The following HIVEP1 variants were observed in gnomAD, a reference collection of about 807,000 sequenced individuals.
HIVEP1 encodes the protein zinc finger protein 40.
A neutral mutation model predicts 180.0 loss-of-function variants in HIVEP1; 36 were observed. The ratio of observed to expected loss-of-function variants is 0.20; its 90% CI spans 0.15 to 0.26. HIVEP1 has a LOEUF of 0.26. Ranked by LOEUF, HIVEP1 falls within the 10% of genes least tolerant of loss-of-function variation. The probability of loss-of-function intolerance (pLI) is 1.00; values close to 1 mark genes in which losing one functional copy is unlikely to be tolerated. For missense variants in HIVEP1, 3,143 were observed against 3,268.7 expected, an observed-to-expected ratio of 0.96 and a Z score of 0.94; for synonymous variants, 1,239 against 1,239.0, an observed-to-expected ratio of 1.00 and a Z score of 0.00.
At chr6:12,098,590 C>G (rs1160168851) in intron 3 of HIVEP1, among the ~76,000 whole-genome samples, 1 of 152,160 alleles carries the variant, frequency 6.6e-6, no homozygotes, top group Non-Finnish European at 1.5e-5. Flanking sequence ...AAGAGATAAG[C>G]TTGTATATAT....
chr6:12,023,445 T>G (rs184513669), intron 2 of HIVEP1, among the ~76,000 whole-genome samples: 2 of 152,308 alleles, frequency 1.3e-5, no homozygotes, highest in African/African-American at 4.8e-5. Context: ...ATCAAAAATC[T>G]TGTAGTGGAA....
At chr6:12,048,125 C>T (rs1340603996) in intron 2 of HIVEP1, among the ~76,000 whole-genome samples, 5 of 152,300 alleles carry the variant, frequency 3.3e-5, no homozygotes, top group East Asian at 1.9e-4. Flanking sequence ...TTCTGTTAAG[C>T]GGGCATCTCC....
At position 12,157,222 on chromosome 6, in the gene HIVEP1, C is replaced by G. The variant is rs1250917691; in HGVS notation, c.6488-4217C>G. ...TTATATCAATATTTAAAATGCGTTT[C>G]TTATATACAGTATATACATGGGACT... On this transcript the variant is annotated intron_variant, in intron 7 of 8. Transcript: ENST00000379388. Among the ~76,000 whole-genome samples the G allele has an allele frequency of 2.0e-5, 3 of 152,158 alleles. No individual in the cohort carries two copies. In the East Asian group the frequency reaches 5.8e-4, roughly 29 times the overall value.
chr6:12,011,537 CA>C (rs1185345337), upstream of HIVEP1, among the ~76,000 whole-genome samples: 1 of 150,814 alleles, frequency 6.6e-6, no homozygotes, highest in Non-Finnish European at 1.5e-5. Context: ...CGTCGCGACC[CA>C]GGGCTCCCGC....
rs1180653281 is a variant in HIVEP1 at position 12,135,836 on chromosome 6, G to T, written c.6431G>T (p.Cys2144Phe). 1 of 1,613,044 alleles carries T rather than the reference G, an allele frequency of 6.2e-7. No homozygotes were observed. Among genetic ancestry groups the T allele is most frequent in the Non-Finnish European group, 8.5e-7 (1 of 1,179,162 alleles). ...AAGTCCAAGGCACATAGCAAGAAAT[G>T]TGTGGATTTAGGCGTCTCAGTAGGT... ...HMKSKAHSKK[C>F]VDLGVSVGLI... is the part of the protein sequence containing the mutation. Residue 2144 changes from cysteine (C) to phenylalanine (F), a missense_variant, in exon 7 of 9, where the codon TGT (cysteine) becomes TTT (phenylalanine). Physicochemically the swap from Cys to Phe is radical, Grantham distance 205. Coordinates refer to ENST00000379388, the MANE Select transcript of HIVEP1 (RefSeq NM_002114.4).
Position 12,015,395 on chromosome 6 carries a change from CTT to C in HIVEP1, c.-103-128_-103-127del. The C allele has an allele frequency of 7.3e-6, 3 of 411,462 alleles. No homozygotes were observed. In the South Asian group the frequency reaches 1.8e-4, roughly 24 times the overall value. The allele number at this position is 411,462 out of a possible 1,614,324, so 25.5% of individuals were successfully genotyped here. Reference sequence around the variant, plus strand: ...CTCTGTTTAATTAAAAGTTAGTAATCTTTTGCAGTGGTGCCCAGCTTGGTTAC... The same window carrying C: ...CTCTGTTTAATTAAAAGTTAGTAATCTTGCAGTGGTGCCCAGCTTGGTTAC... On this transcript the variant is annotated intron_variant, in intron 1 of 8. Transcript: ENST00000379388.
upstream of HIVEP1, among the ~76,000 whole-genome samples, chr6:12,011,550 C>T (rs1242840142): frequency 6.6e-6 from 1 of 150,632 alleles, no homozygotes; most frequent in Non-Finnish European, 1.5e-5. Flanking sequence ...GGCTCCCGCC[C>T]CCCGCGTCCC....
chr6:12,195,970 G>C, the HIVEP1 span, among the ~76,000 whole-genome samples: 1 of 152,148 alleles, frequency 6.6e-6, no homozygotes, highest in Non-Finnish European at 1.5e-5. Context: ...ATAAACACAG[G>C]GTAAGGGGAG....
chr6:12,167,562 T>G (rs1246369567), downstream of HIVEP1, among the ~76,000 whole-genome samples: 1 of 81,750 alleles, frequency 1.2e-5, no homozygotes, highest in Admixed American at 1.5e-4. Context: ...ATGTATATAT[T>G]ACATGCATGT....
chr6:12,181,685 C>G, the HIVEP1 span, among the ~76,000 whole-genome samples: 1 of 152,138 alleles, frequency 6.6e-6, no homozygotes, highest in Non-Finnish European at 1.5e-5. Flanking sequence ...AACAGACACC[C>G]AAATGCTGAA....
At chr6:12,037,992 G>A (rs1275529840) in intron 2 of HIVEP1, 5 of 381,376 alleles carry the variant, frequency 1.3e-5, no homozygotes, top group Non-Finnish European at 2.3e-5. Context: ...TGAGATTACA[G>A]GCATGAGCCA....
At chr6:12,167,675 T>TGTTATATATAC (rs1760754260), downstream of HIVEP1, among the ~76,000 whole-genome samples, 1 of 21,500 alleles carries the variant, frequency 4.7e-5, no homozygotes, top group Non-Finnish European at 8.8e-5. Context: ...CATATATACA[T>TGTTATATATAC]ATATGTGTAT....
chr6:12,010,610 T>G (rs1204878611), upstream of HIVEP1, among the ~76,000 whole-genome samples: 1 of 151,676 alleles, frequency 6.6e-6, no homozygotes, highest in Admixed American at 6.6e-5. Context: ...ATCAGGGATT[T>G]TTTTTTTTTT....
chr6:12,138,856 G>A (rs1758845141), intron 7 of HIVEP1, among the ~76,000 whole-genome samples: 1 of 151,554 alleles, frequency 6.6e-6, no homozygotes, highest in Non-Finnish European at 1.5e-5. Flanking sequence ...CCTTCCATCT[G>A]CTTGGCCAAA....
At chr6:12,168,100 C>T (rs371893131), downstream of HIVEP1, among the ~76,000 whole-genome samples, 58 of 19,864 alleles carry the variant, frequency 2.9e-3, 11 homozygotes, top group Non-Finnish European at 5.4e-3. Flanking sequence ...TACACATACA[C>T]GTATATATGT....
At chr6:12,053,224 C>G (rs1485890504) in intron 2 of HIVEP1, among the ~76,000 whole-genome samples, 1 of 151,772 alleles carries the variant, frequency 6.6e-6, no homozygotes, top group Non-Finnish European at 1.5e-5. Context: ...ATATGCTGTT[C>G]ATGTGTGTGT....
In HIVEP1 at chr6:12,100,295, T is replaced by C. The variant is rs542217863; in HGVS notation, c.94+11058T>C. Among the ~76,000 whole-genome samples the C allele has an allele frequency of 1.3e-5, 2 of 152,284 alleles. 1 individual carries two copies. The highest frequency in any genetic ancestry group is 4.1e-4 in the South Asian group (2 of 4,828). ...CTGGGGCAGGCTTAGAGGGGTTGGT[T>C]GGGGAGGGAGTTAACAATTTATAGC... is the stretch of plus-strand genomic sequence containing the variant. On this transcript the variant is annotated intron_variant, in intron 3 of 8. Transcript: ENST00000379388.
intron 3 of HIVEP1, 147 bp from the exon 4 acceptor site, chr6:12,119,743 G>A (rs781711807): frequency 2.6e-5 from 15 of 568,680 alleles, no homozygotes; most frequent in Non-Finnish European, 4.2e-5. Flanking sequence ...ATGCAGAAGT[G>A]CAATTTTATT....
intron 3 of HIVEP1, among the ~76,000 whole-genome samples, chr6:12,102,573 C>CTGA (rs1213431901): frequency 1.3e-5 from 2 of 152,130 alleles, no homozygotes; most frequent in African/African-American, 2.4e-5. Flanking sequence ...TGCTGTCATA[C>CTGA]TGATAACAGG....
Sources: gnomAD v4.1 joint callset for allele counts (sites outside exome capture counted in the v4.1 genomes callset) on GRCh38, gnomAD v4.1.1 for gene constraint, MANE v1.5 for transcripts, NCBI Gene and HGNC (gene_info 2026-07-23, HGNC 2026-07-21) for gene names.